The following AP4S1 variants were observed in gnomAD, a reference collection of about 807,000 sequenced individuals.
The protein encoded by AP4S1 is AP-4 complex subunit sigma-1.
A neutral mutation model predicts 19.8 loss-of-function variants in AP4S1; 23 were observed. That is an observed-to-expected ratio of 1.16 (90% CI 0.84 to 1.65). The LOEUF (loss-of-function observed/expected upper bound fraction) is 1.65, where lower values mean the gene tolerates loss of function less well. AP4S1 is among the 40% of genes most tolerant of loss of function. AP4S1 has a pLI of 0.00. For missense variants in AP4S1, 166 were observed against 172.8 expected, an observed-to-expected ratio of 0.96 and a Z score of 0.22; for synonymous variants, 46 against 54.1, an observed-to-expected ratio of 0.85 and a Z score of 0.66.
intron 1 of AP4S1, among the ~76,000 whole-genome samples, chr14:31,034,504 T>G (rs1369097861): frequency 6.6e-6 from 1 of 152,088 alleles, no homozygotes; most frequent in Non-Finnish European, 1.5e-5. Context: ...TTGCCCAGGC[T>G]GGTCTCGAAC....
At chr14:31,077,230 C>T (rs913750973) in intron 4 of AP4S1, among the ~76,000 whole-genome samples, 1 of 152,242 alleles carries the variant, frequency 6.6e-6, no homozygotes, top group African/African-American at 2.4e-5. Flanking sequence ...AGCCACCACA[C>T]CCAGCCAGCA....
Position 31,038,193 on chromosome 14 carries a change from A to G in AP4S1, c.-72+12406A>G, listed in dbSNP as rs150364222. The stretch of plus-strand genomic sequence containing the variant: ...GGTATGTTTTATTTATTGCAAGTGG[A>G]AAGAGTGATTAGCTCAACTTTCTAA... On this transcript the variant is annotated intron_variant, in intron 1 of 5. Transcript: ENST00000542754. Among the ~76,000 whole-genome samples, 34 of 152,330 alleles carry G rather than the reference A, an allele frequency of 2.2e-4. No homozygotes were observed. The East Asian group carries it at 6.2e-3, about 28-fold the overall frequency.
chr14:31,049,357 T>A lies in AP4S1; in HGVS notation c.-71-16769T>A, dbSNP rs554734328. On this transcript the variant is annotated intron_variant, in intron 1 of 5. Coordinates refer to ENST00000542754, the MANE Select transcript of AP4S1 (RefSeq NM_001128126.3). ...TGAACCCGGGAGGCAGAGCTGGCAG[T>A]GAGCCGAGATCGCACCACTGCACTC... is the stretch of plus-strand genomic sequence containing the variant. Among the ~76,000 whole-genome samples, 244 of 141,574 alleles carry A rather than the reference T, an allele frequency of 1.7e-3. 1 individual carries two copies. Among genetic ancestry groups the A allele is most frequent in the African/African-American group, 6.2e-3 (234 of 37,966 alleles). 92.9% of individuals were successfully genotyped at this position (141,574 alleles called of 152,430 possible).
At chr14:31,076,792 T>G (rs982885514) in intron 4 of AP4S1, among the ~76,000 whole-genome samples, 39 of 152,342 alleles carry the variant, frequency 2.6e-4, no homozygotes, top group African/African-American at 9.4e-4. Flanking sequence ...CTCTTTTGAT[T>G]TCTGTAGCTT....
chr14:31,066,915 AAAC>A (rs1886748543), intron 2 of AP4S1, among the ~76,000 whole-genome samples: 1 of 152,234 alleles, frequency 6.6e-6, no homozygotes, highest in Admixed American at 6.5e-5. Flanking sequence ...AATTCATGTG[AAAC>A]AACAAATTTA....
At chr14:31,071,937 G>T (rs74359808) in intron 3 of AP4S1, among the ~76,000 whole-genome samples, 3 of 148,860 alleles carry the variant, frequency 2.0e-5, no homozygotes, top group African/African-American at 7.4e-5. Flanking sequence ...TTTTGGGGGG[G>T]TGGGGATGGA....
chr14:31,075,126 T>A (rs1204119419), intron 4 of AP4S1, among the ~76,000 whole-genome samples: 1 of 152,196 alleles, frequency 6.6e-6, no homozygotes, highest in Non-Finnish European at 1.5e-5. Context: ...TAGGTCTTAT[T>A]TCTTCTATCT....
At position 31,025,701 on chromosome 14, in the gene AP4S1, A is replaced by G; in HGVS notation, c.-158A>G. The stretch of plus-strand genomic sequence containing the variant: ...GAGGCCCGCACCGCGTAGCCAGTGA[A>G]GGTTGGGGAGCAAGCTTATGCGGGA... On this transcript the variant is annotated 5_prime_UTR_variant, in exon 1 of 6. Coordinates refer to ENST00000542754, the MANE Select transcript of AP4S1 (RefSeq NM_001128126.3). The G allele has an allele frequency of 4.0e-6, 3 of 758,128 alleles. No individual in the cohort carries two copies. The highest frequency in any genetic ancestry group is 6.1e-6 in the Non-Finnish European group (3 of 491,654). The allele number at this position is 758,128 out of a possible 1,614,324, so 47.0% of individuals were successfully genotyped here.
chr14:31,070,157 G>T (rs1416497921), intron 3 of AP4S1, among the ~76,000 whole-genome samples: 2 of 152,086 alleles, frequency 1.3e-5, no homozygotes, highest in Non-Finnish European at 2.9e-5. Flanking sequence ...ACCACACCCG[G>T]CTAATTTTTT....
intron 1 of AP4S1, among the ~76,000 whole-genome samples, chr14:31,063,865 ACT>A (rs1435315125): frequency 6.6e-6 from 1 of 152,228 alleles, no homozygotes; most frequent in East Asian, 1.9e-4. Context: ...TTGCAACTTT[ACT>A]ATAAATCTAA....
At chr14:31,065,102 C>G (rs1886642781) in intron 1 of AP4S1, among the ~76,000 whole-genome samples, 1 of 152,122 alleles carries the variant, frequency 6.6e-6, no homozygotes, top group Non-Finnish European at 1.5e-5. Context: ...GAAAGAAAAG[C>G]TTTACTATAG....
chr14:31,029,651 C>G (rs1884267627), intron 1 of AP4S1, among the ~76,000 whole-genome samples: 1 of 152,034 alleles, frequency 6.6e-6, no homozygotes, highest in South Asian at 2.1e-4. Context: ...AACCCTGTCC[C>G]TACCAAAAAT....
chr14:31,058,720 G>A (rs569807681), intron 1 of AP4S1, among the ~76,000 whole-genome samples: 94 of 151,072 alleles, frequency 6.2e-4, no homozygotes, highest in African/African-American at 1.9e-3. Flanking sequence ...GGTACACACC[G>A]CGATGCCTGG....
At chr14:31,053,026 T>C (rs1039271125) in intron 1 of AP4S1, among the ~76,000 whole-genome samples, 2 of 147,040 alleles carry the variant, frequency 1.4e-5, no homozygotes, top group African/African-American at 5.0e-5. Context: ...CTGCAACCTC[T>C]GCCTCCTGGG....
rs1886917225 is a variant in AP4S1 at position 31,070,011 on chromosome 14, T to C, written c.225+82T>C. 3.3e-5 allele frequency: 41 copies of C among 1,255,958 alleles called. No individual in the cohort carries two copies. In the South Asian group the frequency reaches 4.8e-4, roughly 15 times the overall value. 77.8% of individuals were successfully genotyped at this position (1,255,958 alleles called of 1,614,324 possible). ...TAAGAATTATGACTCTCTTGATTTTTTTTAGACAGAATTTTGCCCTGTCAC... is the reference window on the plus strand; with the variant it reads ...TAAGAATTATGACTCTCTTGATTTTCTTTAGACAGAATTTTGCCCTGTCAC... On this transcript the variant is annotated intron_variant, in intron 3 of 5. Transcript: ENST00000542754.
intron 1 of AP4S1, among the ~76,000 whole-genome samples, chr14:31,027,688 A>C (rs1884107258): frequency 6.6e-6 from 1 of 152,170 alleles, no homozygotes; most frequent in Non-Finnish European, 1.5e-5. Context: ...AGTTTGAGGA[A>C]TGTAACATAT....
chr14:31,032,043 G>T (rs1884421051), intron 1 of AP4S1, among the ~76,000 whole-genome samples: 1 of 147,224 alleles, frequency 6.8e-6, no homozygotes, highest in Admixed American at 6.9e-5. Context: ...TGGGTGCCCA[G>T]CCTGGATGAT....
intron 5 of AP4S1, chr14:31,084,639 C>G (rs562382764): frequency 3.4e-5 from 50 of 1,450,850 alleles, no homozygotes; most frequent in Non-Finnish European, 4.5e-5. Context: ...CAGTTCCACT[C>G]CACCCGCCCG....
chr14:31,065,935 C>T (rs1886692159), intron 1 of AP4S1, among the ~76,000 whole-genome samples, 191 bp from the exon 2 acceptor site: 1 of 152,204 alleles, frequency 6.6e-6, no homozygotes, highest in Non-Finnish European at 1.5e-5. Flanking sequence ...GCTGGAATTA[C>T]AGGCATGAGC....
Sources: gnomAD v4.1 joint callset for allele counts (sites outside exome capture counted in the v4.1 genomes callset) on GRCh38, gnomAD v4.1.1 for gene constraint, MANE v1.5 for transcripts, NCBI Gene and HGNC (gene_info 2026-07-23, HGNC 2026-07-21) for gene names.